DNAL1: variants seen among roughly 807,000 people sequenced by gnomAD.
DNAL1 encodes the protein dynein axonemal light chain 1.
In DNAL1, 17 loss-of-function variants were observed where a neutral mutation model predicts 29.4. The ratio of observed to expected loss-of-function variants is 0.58; its 90% confidence interval spans 0.40 to 0.87. The LOEUF is 0.87. DNAL1 is among the 40% of genes least tolerant of loss of function. The pLI is 0.00. For missense variants in DNAL1, 188 were observed against 214.1 expected, an observed-to-expected ratio of 0.88 and a Z score of 0.76; for synonymous variants, 78 against 76.3, an observed-to-expected ratio of 1.02 and a Z score of -0.12.
At chr14:73,681,605 CAAAAAAAAAAAAAAA>C (rs71112792) in intron 5 of DNAL1, among the ~76,000 whole-genome samples, 566 of 52,854 alleles carry the variant, frequency 0.011, 14 homozygotes, top group African/African-American at 0.039. Flanking sequence ...CCATCTCTAC[CAAAAAAAAAAAAAAA>C]AAAAAAAAAA....
At chr14:73,655,137 G>C (rs1891187833) in intron 2 of DNAL1, among the ~76,000 whole-genome samples, 1 of 151,984 alleles carries the variant, frequency 6.6e-6, no homozygotes, top group South Asian at 2.1e-4. Flanking sequence ...TCAGTGGATT[G>C]TATCAATAGC....
chr14:73,654,772 A>ACATACATACATACATACATT (rs1891173754), intron 1 of DNAL1, 75 bp from the exon 2 acceptor site: 1 of 1,304,210 alleles, frequency 7.7e-7, no homozygotes, highest in Non-Finnish European at 1.0e-6. Context: ...ATAAATACAT[A>ACATACATACATACATACATT]CATACATACA....
At position 73,701,604 on chromosome 14, in the gene DNAL1, T is replaced by C. The variant is rs1313818262; in HGVS notation, c.*5662T>C. ...GGAGGCTCTTTGCCTCTGTGATCAGTAGGGTACCTGCCTCTGAGGTGCTAC... is the reference window on the plus strand; with the variant it reads ...GGAGGCTCTTTGCCTCTGTGATCAGCAGGGTACCTGCCTCTGAGGTGCTAC... On this transcript the variant is annotated 3_prime_UTR_variant, in exon 8 of 8. Coordinates refer to ENST00000553645, the MANE Select transcript of DNAL1 (RefSeq NM_031427.4). 1 of 152,216 alleles carries C rather than the reference T, an allele frequency of 6.6e-6. No homozygotes were observed. The highest frequency in any genetic ancestry group is 2.4e-5 in the African/African-American group (1 of 41,454). 9.4% of individuals were successfully genotyped at this position (152,216 alleles called of 1,614,324 possible). A position where few individuals can be genotyped will look rare whatever the true frequency, so the allele number is the denominator to read the frequency against.
intron 6 of DNAL1, 54 bp from the exon 7 acceptor site, chr14:73,689,321 C>T (rs1315872450): frequency 1.7e-5 from 26 of 1,545,012 alleles, no homozygotes; most frequent in Middle Eastern, 1.7e-4. Flanking sequence ...CGTGGACCAC[C>T]GCACCCGGCC....
intron 4 of DNAL1, among the ~76,000 whole-genome samples, chr14:73,665,507 T>A (rs1319792246): frequency 6.6e-6 from 1 of 152,096 alleles, no homozygotes; most frequent in Non-Finnish European, 1.5e-5. Context: ...AACATGACTA[T>A]GGGCTGGGCA....
intron 2 of DNAL1, among the ~76,000 whole-genome samples, chr14:73,655,773 G>A (rs1193420426): frequency 6.6e-6 from 1 of 151,974 alleles, no homozygotes; most frequent in Non-Finnish European, 1.5e-5. Flanking sequence ...TAGTACAGAG[G>A]CAATCATTGT....
intron 2 of DNAL1, among the ~76,000 whole-genome samples, chr14:73,655,493 G>A (rs566123006): frequency 9.9e-5 from 15 of 151,624 alleles, no homozygotes; most frequent in African/African-American, 2.2e-4. Flanking sequence ...ACAGGCACGC[G>A]CCACAATGCC....
intron 4 of DNAL1, among the ~76,000 whole-genome samples, chr14:73,669,556 T>A (rs1891569944): frequency 6.6e-6 from 1 of 152,234 alleles, no homozygotes; most frequent in Non-Finnish European, 1.5e-5. Flanking sequence ...ATTACAGGCA[T>A]GAGCCACCAC....
intron 5 of DNAL1, among the ~76,000 whole-genome samples, chr14:73,682,869 A>ATT (rs57815202): frequency 2.1e-4 from 21 of 101,776 alleles, no homozygotes; most frequent in Admixed American, 3.4e-4. Flanking sequence ...TTTTATAGTT[A>ATT]TTTTTTTTTT....
At chr14:73,672,595 G>A (rs190991700) in intron 5 of DNAL1, among the ~76,000 whole-genome samples, 408 of 114,620 alleles carry the variant, frequency 3.6e-3, no homozygotes, top group African/African-American at 0.014. Context: ...GTGACAGAGC[G>A]AGACTCTGTC....
At chr14:73,678,666 T>A (rs1457061678) in intron 5 of DNAL1, among the ~76,000 whole-genome samples, 2 of 152,152 alleles carry the variant, frequency 1.3e-5, no homozygotes, top group Admixed American at 6.6e-5. Flanking sequence ...TCCCACCTAT[T>A]CTATATTTAG....
chr14:73,649,448 C>T (rs7401256), intron 1 of DNAL1, among the ~76,000 whole-genome samples: 1 of 150,732 alleles, frequency 6.6e-6, no homozygotes, highest in South Asian at 2.1e-4. Flanking sequence ...ACGCCCGGCA[C>T]ATTTTTTGTA....
In DNAL1 at chr14:73,658,834, AT is replaced by A; in HGVS notation, c.43-8del. The A allele has an allele frequency of 6.3e-7, 1 of 1,591,290 alleles. No individual in the cohort carries two copies. Among genetic ancestry groups the A allele is most frequent in the Admixed American group, 1.7e-5 (1 of 57,496 alleles). On this transcript the variant is annotated splice_polypyrimidine_tract_variant and intron_variant, in intron 2 of 7. Transcript: ENST00000553645. ...ATCATGGGTTATTTCTTCCAAATGT[AT>A]TTTTCTCATAGGAAGAGAAAACTGG... is the stretch of plus-strand genomic sequence containing the variant.
Position 73,698,215 on chromosome 14 carries a change from C to T in DNAL1, c.*2273C>T, listed in dbSNP as rs1819078199. On this transcript the variant is annotated 3_prime_UTR_variant, in exon 8 of 8. Transcript: ENST00000553645. Reference sequence around the variant, plus strand: ...TCAGACAAATGTAAGATACTTTTCTCTGTCCATTTCATGCAAAATTCATAT... The same window carrying T: ...TCAGACAAATGTAAGATACTTTTCTTTGTCCATTTCATGCAAAATTCATAT... The T allele has an allele frequency of 6.6e-6, 1 of 152,146 alleles. No homozygotes were observed. The highest frequency in any genetic ancestry group is 1.5e-5 in the Non-Finnish European group (1 of 68,022). The allele number at this position is 152,146 out of a possible 1,614,324, so 9.4% of individuals were successfully genotyped here.
At chr14:73,692,911 G>T (rs1465738249) in intron 7 of DNAL1, among the ~76,000 whole-genome samples, 1 of 150,814 alleles carries the variant, frequency 6.6e-6, no homozygotes, top group Non-Finnish European at 1.5e-5. Flanking sequence ...ATCTCAGCTC[G>T]CTGCAGCCTC....
rs535752842 is a variant in DNAL1, at chr14:73,677,389, C to CA, written c.264+5795dup. ...CTCGCTATGTTGTCCAGGCTGAACT[C>CA]AAACTCCTGGGCTCAAGTGACCCTC... is the stretch of plus-strand genomic sequence containing the variant. On this transcript the variant is annotated intron_variant, in intron 5 of 7. Transcript: ENST00000553645. 2.7e-4 allele frequency among the ~76,000 whole-genome samples: 41 copies of CA among 151,446 alleles called. No homozygotes were observed. The East Asian group carries it at 7.8e-3, about 29-fold the overall frequency.
chr14:73,645,860 T>C (rs1052332151), intron 1 of DNAL1, among the ~76,000 whole-genome samples: 3 of 152,208 alleles, frequency 2.0e-5, no homozygotes, highest in Non-Finnish European at 4.4e-5. Flanking sequence ...AACTAGTCGT[T>C]TGAAAAGGAT....
chr14:73,689,711 A>G (rs773602085), intron 7 of DNAL1, among the ~76,000 whole-genome samples, 196 bp downstream of exon 7: 1 of 152,204 alleles, frequency 6.6e-6, no homozygotes, highest in African/African-American at 2.4e-5. Context: ...AGACTGGTAC[A>G]AGATTCTCCC....
Position 73,673,365 on chromosome 14 carries a change from T to C in DNAL1, c.264+1768T>C, listed in dbSNP as rs1415181059. On this transcript the variant is annotated intron_variant, in intron 5 of 7. Transcript: ENST00000553645. ...AATCCCAAATTCTCAAGTATTACTA[T>C]AGCATGTAATTTATTCCATAAAATG... Among the ~76,000 whole-genome samples, 5 of 152,328 alleles carry C rather than the reference T, an allele frequency of 3.3e-5. No individual in the cohort carries two copies. The East Asian group carries it at 9.6e-4, about 29-fold the overall frequency.
Sources: allele counts gnomAD v4.1 joint callset (sites outside exome capture counted in the v4.1 genomes callset), GRCh38; gene constraint gnomAD v4.1.1; transcripts MANE v1.5; gene names NCBI Gene and HGNC (gene_info 2026-07-23, HGNC 2026-07-21).